PPP1R13B: variants seen among roughly 807,000 people sequenced by gnomAD.
PPP1R13B encodes protein phosphatase 1 regulatory subunit 13B, also known as apoptosis-stimulating of p53 protein 1.
A neutral mutation model predicts 119.8 loss-of-function variants in PPP1R13B; 44 were observed. The ratio of observed to expected loss-of-function variants is 0.37; its 90% CI spans 0.29 to 0.47. The LOEUF is 0.47. Ranked by LOEUF, PPP1R13B falls within the 20% of genes least tolerant of loss-of-function variation. PPP1R13B has a pLI of 0.99. For synonymous variants in PPP1R13B, 542 were observed against 561.5 expected, an observed-to-expected ratio of 0.97 and a Z score of 0.49; for missense variants, 1,227 against 1,413.5, an observed-to-expected ratio of 0.87 and a Z score of 2.12.
intron 2 of PPP1R13B, among the ~76,000 whole-genome samples, chr14:103,797,025 C>CAA (rs1216317920): frequency 0.011 from 812 of 72,722 alleles, 12 homozygotes; most frequent in African/African-American, 0.035. Context: ...TCATAATAGC[C>CAA]AAAAAAAAAA....
intron 1 of PPP1R13B, among the ~76,000 whole-genome samples, chr14:103,828,165 G>A (rs1006639463): frequency 1.1e-4 from 16 of 151,938 alleles, no homozygotes; most frequent in African/African-American, 3.4e-4. Context: ...TCAGGAGTTC[G>A]AGACCAGCCT....
chr14:103,758,612 G>C (rs1423487307), intron 4 of PPP1R13B, among the ~76,000 whole-genome samples: 1 of 152,190 alleles, frequency 6.6e-6, no homozygotes, highest in Non-Finnish European at 1.5e-5. Context: ...GGTTGTGGGG[G>C]TTATGTGAGC....
At chr14:103,776,731 G>T (rs1245896993) in intron 4 of PPP1R13B, among the ~76,000 whole-genome samples, 2 of 151,920 alleles carry the variant, frequency 1.3e-5, no homozygotes, top group African/African-American at 2.4e-5. Flanking sequence ...AATTAGCCGG[G>T]CGTGGCGGTG....
chr14:103,743,985 T>A (rs1488231544), intron 9 of PPP1R13B: 2 of 152,250 alleles, frequency 1.3e-5, no homozygotes, highest in Non-Finnish European at 2.9e-5. Context: ...ACAGCTCTAG[T>A]CAAGCCCCGT....
At chr14:103,813,192 C>T (rs1567143489) in intron 1 of PPP1R13B, among the ~76,000 whole-genome samples, 1 of 151,700 alleles carries the variant, frequency 6.6e-6, no homozygotes, top group South Asian at 2.1e-4. Context: ...AACTGTGGTA[C>T]ATAATACTGC....
chr14:103,756,609 G>A (rs1212479191), intron 5 of PPP1R13B, among the ~76,000 whole-genome samples: 1 of 152,122 alleles, frequency 6.6e-6, no homozygotes, highest in Non-Finnish European at 1.5e-5. Flanking sequence ...GGGAAGCCCC[G>A]TTAACCACCT....
chr14:103,835,530 A>C (rs1313926742), intron 1 of PPP1R13B, among the ~76,000 whole-genome samples: 1 of 151,912 alleles, frequency 6.6e-6, no homozygotes, highest in Non-Finnish European at 1.5e-5. Context: ...TCTGGGTTCA[A>C]GCGATCCTAG....
Position 103,738,001 on chromosome 14 carries a change from C to T in PPP1R13B, c.2865-141G>A. The T allele has an allele frequency of 9.9e-7, 1 of 1,014,488 alleles. No individual in the cohort carries two copies. The highest frequency in any genetic ancestry group is 1.4e-6 in the Non-Finnish European group (1 of 719,116). The allele number at this position is 1,014,488 out of a possible 1,614,324, so 62.8% of individuals were successfully genotyped here. ...AGTCTCAGTGTTGTTTCTTTAAAGG[C>T]AGGATTTCCATGAGCCAATTGTTTC... is the stretch of plus-strand genomic sequence containing the variant. On this transcript the variant is annotated intron_variant, in intron 14 of 16. Transcript: ENST00000202556. The surrounding 1 kb of genome is among the most constrained non-coding windows in gnomAD (Gnocchi z 5.6).
intron 8 of PPP1R13B, 141 bp downstream of exon 8, chr14:103,749,653 C>G: frequency 1.2e-6 from 1 of 864,038 alleles, no homozygotes; most frequent in African/African-American, 1.7e-5. Flanking sequence ...GAACTCTGTT[C>G]TGTCATTTTT....
At chr14:103,827,290 C>G (rs1032803339) in intron 1 of PPP1R13B, among the ~76,000 whole-genome samples, 1 of 151,940 alleles carries the variant, frequency 6.6e-6, no homozygotes, top group Non-Finnish European at 1.5e-5. Context: ...GAGCAGAGAT[C>G]GCGCCACTGC....
intron 8 of PPP1R13B, among the ~76,000 whole-genome samples, chr14:103,749,287 A>AT (rs1194082007): frequency 1.3e-5 from 2 of 152,138 alleles, no homozygotes; most frequent in East Asian, 1.9e-4. Flanking sequence ...TCAAATAAGG[A>AT]TTTTTTAGAA....
At chr14:103,808,364 A>G in intron 1 of PPP1R13B, among the ~76,000 whole-genome samples, 1 of 152,178 alleles carries the variant, frequency 6.6e-6, no homozygotes, top group Non-Finnish European at 1.5e-5. Context: ...GGGTGTCCCA[A>G]CTTTGGGCTT....
intron 8 of PPP1R13B, among the ~76,000 whole-genome samples, chr14:103,748,165 C>T (rs1306839450): frequency 3.3e-5 from 5 of 152,260 alleles, no homozygotes; most frequent in East Asian, 1.9e-4. Flanking sequence ...CTGACTACTA[C>T]GCCATTACTG....
chr14:103,736,068 C>T lies in PPP1R13B; in HGVS notation c.3166G>A (p.Glu1056Lys), dbSNP rs374935134. 19 of 1,614,118 alleles carry T rather than the reference C, an allele frequency of 1.2e-5. No homozygotes were observed. The highest frequency in any genetic ancestry group is 1.4e-5 in the Non-Finnish European group (17 of 1,180,050). ...AGGCGAGCCCACCACCACTCAGTCT[C>T]GCTTTCGTCCTTGCGCCTCAGGATG... is the stretch of plus-strand genomic sequence containing the variant. Reference protein sequence around the residue: ...LTILRRKDESETEWWWARLGD... With the variant: ...LTILRRKDESKTEWWWARLGD... The change falls in exon 16 of 17, where the codon GAG becomes AAG. Residue 1056 changes from glutamate (E) to lysine (K), a missense_variant. By Grantham distance (56) the Glu-to-Lys change is moderately conservative. Coordinates refer to ENST00000202556, the MANE Select transcript of PPP1R13B (RefSeq NM_015316.3).
intron 4 of PPP1R13B, among the ~76,000 whole-genome samples, chr14:103,773,115 A>C (rs895744091): frequency 2.0e-5 from 3 of 152,216 alleles, no homozygotes; most frequent in Admixed American, 2.0e-4. Flanking sequence ...ATAATAATAA[A>C]AGCACCTTTT....
At chr14:103,811,015 C>T (rs1250023480) in intron 1 of PPP1R13B, among the ~76,000 whole-genome samples, 2 of 143,264 alleles carry the variant, frequency 1.4e-5, no homozygotes, top group Non-Finnish European at 3.0e-5. Flanking sequence ...ATTGCTTAAA[C>T]CCGGGAGGCA....
chr14:103,740,566 C>T lies in PPP1R13B; in HGVS notation c.1850G>A (p.Gly617Asp), dbSNP rs1595708732. 1.3e-6 allele frequency: 2 copies of T among 1,542,448 alleles called. No homozygotes were observed. The highest frequency in any genetic ancestry group is 1.4e-5 in the African/African-American group (1 of 72,904). Residue 617 changes from glycine to aspartate, a missense_variant, in exon 12 of 17, where the codon GGT becomes GAT. Transcript: ENST00000202556. The surrounding 1 kb of genome is among the most constrained non-coding windows in gnomAD (Gnocchi z 4.6). ...CGGCAGCGGCGATGGAGAGGTTGAA[C>T]CCGAAGGTAAAACGGGCTTACCATA... is the stretch of plus-strand genomic sequence containing the variant. ...AVYGKPVLPS[G>D]STSPSPLPFL...
At chr14:103,825,870 A>C (rs1484869756) in intron 1 of PPP1R13B, among the ~76,000 whole-genome samples, 1 of 147,004 alleles carries the variant, frequency 6.8e-6, no homozygotes, top group Non-Finnish European at 1.5e-5. Flanking sequence ...TTTGAGAGAG[A>C]GTCTCGCTCT....
intron 1 of PPP1R13B, among the ~76,000 whole-genome samples, chr14:103,810,047 A>C (rs2086112877): frequency 7.0e-6 from 1 of 143,716 alleles, no homozygotes; most frequent in African/African-American, 2.5e-5. Context: ...GATGGTCTTG[A>C]TCTCTTGACC....
Sources: gnomAD v4.1 joint callset for allele counts (sites outside exome capture counted in the v4.1 genomes callset) on GRCh38, gnomAD v4.1.1 for gene constraint, Gnocchi (gnomAD v3.1) non-coding constraint, MANE v1.5 for transcripts, NCBI Gene and HGNC (gene_info 2026-07-23, HGNC 2026-07-21) for gene names.